SMPDL3B: variants seen among roughly 807,000 people sequenced by gnomAD.
The protein encoded by SMPDL3B is sphingomyelin phosphodiesterase acid like 3B.
A neutral mutation model predicts 37.9 loss-of-function variants in SMPDL3B; 31 were observed. That is an observed-to-expected ratio of 0.82 (90% CI 0.61 to 1.10). SMPDL3B has a LOEUF of 1.10. Among genes scored for constraint, SMPDL3B ranks in the 50% least tolerant of loss-of-function variants. The probability of loss-of-function intolerance (pLI) is 0.00; values close to 1 mark genes in which losing one functional copy is unlikely to be tolerated. For synonymous variants in SMPDL3B, 235 were observed against 242.6 expected, an observed-to-expected ratio of 0.97 and a Z score of 0.29; for missense variants, 525 against 597.8, an observed-to-expected ratio of 0.88 and a Z score of 1.27.
Position 27,958,272 on chromosome 1 carries a change from T to C in SMPDL3B, c.1006-204T>C, listed in dbSNP as rs917700041. ...CCTCTTTAGGCCTCAGTTTCCTCATTTGTGAAACCTAGGTAATAAGCGCAG... is the reference window on the plus strand; with the variant it reads ...CCTCTTTAGGCCTCAGTTTCCTCATCTGTGAAACCTAGGTAATAAGCGCAG... On this transcript the variant is annotated intron_variant, in intron 7 of 7. Transcript: ENST00000373894. This position sits in a 1 kb window ranked among gnomAD's most constrained non-coding sequence, Gnocchi z 5.6. 4.6e-5 allele frequency among the ~76,000 whole-genome samples: 7 copies of C among 152,160 alleles called. No homozygotes were observed. Among genetic ancestry groups the C allele is most frequent in the Non-Finnish European group, 1.0e-4 (7 of 68,020 alleles).
At position 27,954,487 on chromosome 1, in the gene SMPDL3B, G is replaced by A; in HGVS notation, c.651G>A (p.Leu217=). The change falls in exon 5 of 8, where the codon CTG becomes CTA. Residue 217 remains leucine, a synonymous_variant. Transcript: ENST00000373894. ...MADPGQQFQW[L]EDVLTDASKA... is the part of the protein sequence containing the mutation. ...ACCCTGGCCAGCAGTTCCAGTGGCT[G>A]GAAGATGTGCTGACCGATGCATCCA... 6.2e-7 allele frequency: 1 copy of A among 1,614,048 alleles called. No homozygotes were observed. The highest frequency in any genetic ancestry group is 8.5e-7 in the Non-Finnish European group (1 of 1,180,032).
In SMPDL3B at chr1:27,958,612, G is replaced by T. The variant is rs34560878; in HGVS notation, c.1142G>T (p.Arg381Leu). The T allele has an allele frequency of 5.6e-6, 9 of 1,613,388 alleles. No individual in the cohort carries two copies. Among genetic ancestry groups the T allele is most frequent in the Non-Finnish European group, 7.6e-6 (9 of 1,179,628 alleles). The part of the protein sequence containing the change: ...SAHSMHTVLD[R>L]IAGDQSTLQR... ...CACTCCATGCACACAGTGCTGGACC[G>T]CATCGCTGGCGACCAGAGCACACTG... The change falls in exon 8 of 8, where the codon CGC (arginine) becomes CTC (leucine). Residue 381 changes from arginine to leucine, a missense_variant. Physicochemically the swap from Arg to Leu is moderately radical, Grantham distance 102. Transcript: ENST00000373894. This position sits in a 1 kb window ranked among gnomAD's most constrained non-coding sequence, Gnocchi z 5.6.
At chr1:27,950,042 A>C (rs1197024537) in intron 3 of SMPDL3B, among the ~76,000 whole-genome samples, 1 of 152,166 alleles carries the variant, frequency 6.6e-6, no homozygotes, top group Non-Finnish European at 1.5e-5. Flanking sequence ...CCTCAATTTT[A>C]CTGATGAGGG....
Position 27,945,271 on chromosome 1 carries a change from A to G in SMPDL3B, c.101A>G (p.Asp34Gly). ...ATCGCTGACCTGCACCTTGACCCTG[A>G]CTACAAGGTATCCAAAGACCCCTTC... is the stretch of plus-strand genomic sequence containing the variant. ...WHIADLHLDP[D>G]YKVSKDPFQV... The change falls in exon 2 of 8, where the codon GAC becomes GGC. Residue 34 changes from aspartate to glycine, a missense_variant. By Grantham distance (94) the Asp-to-Gly change is moderately conservative (BLOSUM62 -1). Coordinates refer to ENST00000373894, the MANE Select transcript of SMPDL3B (RefSeq NM_014474.4). This position sits in a 1 kb window ranked among gnomAD's most constrained non-coding sequence, Gnocchi z 4.0. 6.2e-7 allele frequency: 1 copy of G among 1,614,082 alleles called. No individual in the cohort carries two copies. The highest frequency in any genetic ancestry group is 8.5e-7 in the Non-Finnish European group (1 of 1,180,010).
Position 27,936,099 on chromosome 1 carries a change from G to A in SMPDL3B, c.61+855G>A, listed in dbSNP as rs1216241076. On this transcript the variant is annotated intron_variant, in intron 1 of 7. Coordinates refer to ENST00000373894, the MANE Select transcript of SMPDL3B (RefSeq NM_014474.4). Reference sequence around the variant, plus strand: ...GCAGGCTTTTGCTCAGGGTGAAATGGGATGTCATTGGAGGGTTCTAGGCAC... The same window carrying A: ...GCAGGCTTTTGCTCAGGGTGAAATGAGATGTCATTGGAGGGTTCTAGGCAC... Among the ~76,000 whole-genome samples the A allele has an allele frequency of 2.0e-5, 3 of 152,258 alleles. No homozygotes were observed. The East Asian group carries it at 5.8e-4, about 29-fold the overall frequency.
rs147129168 is a variant in SMPDL3B, at chr1:27,955,706, C to G, written c.713C>G (p.Pro238Arg). 1.5e-5 allele frequency: 24 copies of G among 1,613,752 alleles called. No homozygotes were observed. Among genetic ancestry groups the G allele is most frequent in the Non-Finnish European group, 2.0e-5 (24 of 1,179,942 alleles). The change falls in exon 6 of 8, where the codon CCC becomes CGC. Residue 238 changes from proline to arginine, a missense_variant. By Grantham distance (103) the Pro-to-Arg change is moderately radical (BLOSUM62 -2). Transcript: ENST00000373894. ...GDMVYIVGHVPPGFFEKTQNK... is the reference protein window; with the variant it reads ...GDMVYIVGHVRPGFFEKTQNK... Reference sequence around the variant, plus strand: ...TAGGTGTACATTGTCGGCCACGTGCCCCCGGGGTTCTTTGAGAAGACGCAA... The same window carrying G: ...TAGGTGTACATTGTCGGCCACGTGCGCCCGGGGTTCTTTGAGAAGACGCAA...
Position 27,935,194 on chromosome 1 carries a change from T to C in SMPDL3B, c.11T>C (p.Leu4Pro). 2 of 1,613,986 alleles carry C rather than the reference T, an allele frequency of 1.2e-6. No homozygotes were observed. Among genetic ancestry groups the C allele is most frequent in the Non-Finnish European group, 1.7e-6 (2 of 1,179,840 alleles). Residue 4 changes from leucine to proline, a missense_variant, in exon 1 of 8, where the codon CTC (leucine) becomes CCC (proline). Physicochemically the swap from Leu to Pro is moderately conservative, Grantham distance 98 (BLOSUM62 -3). Coordinates refer to ENST00000373894, the MANE Select transcript of SMPDL3B (RefSeq NM_014474.4). MRL[L>P]AWLIFLANWG... is the part of the protein sequence containing the mutation. The stretch of plus-strand genomic sequence containing the variant: ...AAGTGAGCCCCGAGGATGAGGCTGC[T>C]CGCCTGGCTGATTTTCCTGGCTAAC...
chr1:27,954,573 C>T (rs1362847337), intron 5 of SMPDL3B, 47 bp downstream of exon 5: 3 of 1,574,962 alleles, frequency 1.9e-6, no homozygotes, highest in Non-Finnish European at 2.6e-6. Flanking sequence ...TTATTTCCTG[C>T]ACAAGTCTCC....
chr1:27,953,190 T>C (rs2090467933), intron 3 of SMPDL3B, 25 bp from the exon 4 acceptor site: 2 of 1,599,538 alleles, frequency 1.3e-6, no homozygotes, highest in Non-Finnish European at 1.7e-6. Flanking sequence ...CATATATATT[T>C]TGATATTTCA....
At chr1:27,951,215 C>A (rs949828139) in intron 3 of SMPDL3B, among the ~76,000 whole-genome samples, 13 of 152,156 alleles carry the variant, frequency 8.5e-5, no homozygotes, top group Non-Finnish European at 1.9e-4. Context: ...CAATTATAAT[C>A]TGACACAGCG....
At chr1:27,935,538 T>C (rs939878793) in intron 1 of SMPDL3B, among the ~76,000 whole-genome samples, 3 of 152,136 alleles carry the variant, frequency 2.0e-5, no homozygotes, top group African/African-American at 7.2e-5. Context: ...CGTGGACTCA[T>C]TCAACAAATG....
At chr1:27,935,700 A>G (rs1077286) in intron 1 of SMPDL3B, among the ~76,000 whole-genome samples, 58,873 of 152,012 alleles carry the variant, frequency 0.39, 11,890 homozygotes, top group South Asian at 0.55. Flanking sequence ...AGGAGATGAT[A>G]AGTGTTATGG....
Position 27,958,266 on chromosome 1 carries a change from C to T in SMPDL3B, c.1006-210C>T, listed in dbSNP as rs563125614. ...AATTAACCTCTTTAGGCCTCAGTTTCCTCATTTGTGAAACCTAGGTAATAA... is the reference window on the plus strand; with the variant it reads ...AATTAACCTCTTTAGGCCTCAGTTTTCTCATTTGTGAAACCTAGGTAATAA... On this transcript the variant is annotated intron_variant, in intron 7 of 7. Coordinates refer to ENST00000373894, the MANE Select transcript of SMPDL3B (RefSeq NM_014474.4). The surrounding 1 kb of genome is among the most constrained non-coding windows in gnomAD (Gnocchi z 5.6). Among the ~76,000 whole-genome samples, 134 of 152,262 alleles carry T rather than the reference C, an allele frequency of 8.8e-4. No homozygotes were observed. Among genetic ancestry groups the T allele is most frequent in the Non-Finnish European group, 1.6e-3 (111 of 68,024 alleles).
chr1:27,956,257 T>C (rs1233132307), intron 7 of SMPDL3B, 175 bp downstream of exon 7: 1 of 1,545,020 alleles, frequency 6.5e-7, no homozygotes. Flanking sequence ...TGCCACCGAG[T>C]CAGGGCAGTG....
At chr1:27,949,198 C>T (rs1007982675) in intron 3 of SMPDL3B, 36 bp downstream of exon 3, 4 of 1,609,206 alleles carry the variant, frequency 2.5e-6, no homozygotes, top group African/African-American at 2.7e-5. Flanking sequence ...ACAGTGTTCT[C>T]GGAACTCTAG....
At chr1:27,947,346 C>CT (rs2090418599) in intron 2 of SMPDL3B, among the ~76,000 whole-genome samples, 1 of 151,870 alleles carries the variant, frequency 6.6e-6, no homozygotes, top group Non-Finnish European at 1.5e-5. Context: ...ACAGTTGCAC[C>CT]TTTTTTTCCT....
At chr1:27,950,871 C>T (rs571759566) in intron 3 of SMPDL3B, among the ~76,000 whole-genome samples, 8 of 152,302 alleles carry the variant, frequency 5.3e-5, no homozygotes, top group African/African-American at 1.9e-4. Flanking sequence ...CTCAAGTGAT[C>T]CGCACGCCTT....
In SMPDL3B at chr1:27,954,832, T is replaced by C. The variant is rs548216578; in HGVS notation, c.690+306T>C. Among the ~76,000 whole-genome samples, 5 of 152,316 alleles carry C rather than the reference T, an allele frequency of 3.3e-5. No homozygotes were observed. In the East Asian group the frequency reaches 9.7e-4, roughly 29 times the overall value. ...CAGTGCTCTTTCCACTCCCACCACA[T>C]GCACAGCTGCAGCCAGTACTGTGTG... On this transcript the variant is annotated intron_variant, in intron 5 of 7. Coordinates refer to ENST00000373894, the MANE Select transcript of SMPDL3B (RefSeq NM_014474.4).
rs771148742 is a variant in SMPDL3B at position 27,958,826 on chromosome 1, G to A, written c.1356G>A (p.Thr452=). ...LLLMALLGLC[T]LVL is the part of the protein sequence containing the mutation. Reference sequence around the variant, plus strand: ...TGATGGCCCTGCTGGGCCTGTGCACGCTCGTGCTGTGACCTGCCAGGCTCA... The same window carrying A: ...TGATGGCCCTGCTGGGCCTGTGCACACTCGTGCTGTGACCTGCCAGGCTCA... The change falls in exon 8 of 8, where the codon ACG becomes ACA. Residue 452 remains threonine, a synonymous_variant. Transcript: ENST00000373894. This position sits in a 1 kb window ranked among gnomAD's most constrained non-coding sequence, Gnocchi z 5.6. The A allele has an allele frequency of 6.3e-7, 1 of 1,588,446 alleles. No homozygotes were observed.
Sources: gnomAD v4.1 joint callset for allele counts (sites outside exome capture counted in the v4.1 genomes callset) on GRCh38, gnomAD v4.1.1 for gene constraint, Gnocchi (gnomAD v3.1) non-coding constraint, MANE v1.5 for transcripts, NCBI Gene and HGNC (gene_info 2026-07-23, HGNC 2026-07-21) for gene names.